DAB1: variants seen among roughly 807,000 people sequenced by gnomAD.
The protein encoded by DAB1 is DAB adaptor protein 1, also known as disabled homolog 1.
DAB1 carries 15 observed loss-of-function variants against 64.6 expected under a neutral mutation model. The observed-to-expected ratio is 0.23, with a 90% CI of 0.16 to 0.36. The LOEUF is 0.36. DAB1 is among the 10% of genes least tolerant of loss of function. The probability of loss-of-function intolerance (pLI) is 1.00; values close to 1 mark genes in which losing one functional copy is unlikely to be tolerated. For missense variants in DAB1, 596 were observed against 706.7 expected (o/e 0.84, Z 1.78); for synonymous variants, 235 against 251.9 (o/e 0.93, Z 0.64).
chr1:57,188,479 G>T lies in DAB1; in HGVS notation c.68-43050C>A, dbSNP rs552291242. 1.5e-4 allele frequency among the ~76,000 whole-genome samples: 23 copies of T among 152,244 alleles called. No individual in the cohort carries two copies. In the South Asian group the frequency reaches 4.2e-3, roughly 27 times the overall value. ...ATGAAAATAAGCAAGACCAGAATTT[G>T]GCTCTCAGCTAATTGCAGAGTGTTT... On this transcript the variant is annotated intron_variant, in intron 2 of 14. Transcript: ENST00000371236.
chr1:58,191,782 G>A (rs1657403123), intron 4 of DAB1, among the ~76,000 whole-genome samples: 1 of 152,200 alleles, frequency 6.6e-6, no homozygotes, highest in Non-Finnish European at 1.5e-5. Context: ...AGTAGAGTCT[G>A]TATCTTTGTG....
chr1:58,424,282 G>A (rs569251775), intron 3 of DAB1, among the ~76,000 whole-genome samples: 12 of 152,168 alleles, frequency 7.9e-5, no homozygotes, highest in African/African-American at 2.7e-4. Flanking sequence ...AGTGGATGAG[G>A]CCCACCCACA....
intron 4 of DAB1, among the ~76,000 whole-genome samples, chr1:58,160,688 T>C (rs1483353120): frequency 6.6e-6 from 1 of 152,180 alleles, no homozygotes; most frequent in African/African-American, 2.4e-5. Context: ...CAAAAAAAAG[T>C]TGTATCACTT....
At chr1:58,481,123 G>C in intron 3 of DAB1, 1 of 870,866 alleles carries the variant, frequency 1.1e-6, no homozygotes, top group Non-Finnish European at 2.0e-6. Context: ...AGTAATCGAG[G>C]GTCTGGATTA....
intron 5 of DAB1, among the ~76,000 whole-genome samples, chr1:57,933,952 G>A (rs1424579284): frequency 1.3e-5 from 2 of 151,578 alleles, no homozygotes; most frequent in Non-Finnish European, 2.9e-5. Flanking sequence ...CTAGAGTGCA[G>A]TGGCGCGATC....
At chr1:57,333,898 ACT>A (rs1218590763) in intron 1 of DAB1, among the ~76,000 whole-genome samples, 1 of 152,194 alleles carries the variant, frequency 6.6e-6, no homozygotes, top group African/African-American at 2.4e-5. Flanking sequence ...AGAATCCATC[ACT>A]GTCATCATCA....
intron 3 of DAB1, among the ~76,000 whole-genome samples, chr1:58,370,050 G>T (rs1258261756): frequency 6.6e-6 from 1 of 152,162 alleles, no homozygotes; most frequent in Non-Finnish European, 1.5e-5. Context: ...ACCCAGTGAT[G>T]CCATATTTAG....
At chr1:58,358,372 C>T (rs12134145) in intron 3 of DAB1, among the ~76,000 whole-genome samples, 4,204 of 152,006 alleles carry the variant, frequency 0.028, 168 homozygotes, top group East Asian at 0.18. Context: ...ATATTTATTG[C>T]GCTTGACAAA....
intron 6 of DAB1, among the ~76,000 whole-genome samples, chr1:57,669,065 G>A (rs1172622957): frequency 7.9e-5 from 12 of 151,998 alleles, no homozygotes; most frequent in East Asian, 7.7e-4. Flanking sequence ...CTTTAATTCC[G>A]TGTTCCTTAC....
intron 3 of DAB1, chr1:58,481,088 A>C (rs761472810): frequency 5.7e-5 from 50 of 872,048 alleles, no homozygotes; most frequent in Admixed American, 4.2e-4. Context: ...ATTCTTCAAG[A>C]AAATGCTTCG....
intron 6 of DAB1, among the ~76,000 whole-genome samples, chr1:57,730,836 T>G (rs1439038164): frequency 1.3e-5 from 2 of 152,116 alleles, no homozygotes; most frequent in African/African-American, 2.4e-5. Flanking sequence ...TAAGTGTTGG[T>G]GAGGATATGG....
chr1:58,239,084 C>T (rs555768305), intron 4 of DAB1, among the ~76,000 whole-genome samples: 1 of 152,110 alleles, frequency 6.6e-6, no homozygotes, highest in African/African-American at 2.4e-5. Context: ...AGGACCCTCC[C>T]GGAATGCTGT....
intron 1 of DAB1, among the ~76,000 whole-genome samples, chr1:57,403,796 C>T (rs926012679): frequency 2.0e-5 from 3 of 152,074 alleles, no homozygotes; most frequent in African/African-American, 7.2e-5. Flanking sequence ...TAGCCATTAC[C>T]TACACGGGGC....
intron 4 of DAB1, among the ~76,000 whole-genome samples, chr1:58,249,020 G>T (rs928015469): frequency 1.3e-5 from 2 of 152,150 alleles, no homozygotes; most frequent in Non-Finnish European, 2.9e-5. Flanking sequence ...CAAAGCCACT[G>T]CAAGGCGATT....
intron 7 of DAB1, among the ~76,000 whole-genome samples, chr1:57,472,484 G>A (rs1218294717): frequency 6.6e-6 from 1 of 152,180 alleles, no homozygotes; most frequent in Non-Finnish European, 1.5e-5. Context: ...AATGGGCCTG[G>A]TAGTTAAAGA....
In DAB1 at chr1:58,370,374, CGTGTGTGTGTGTGTGTGT is replaced by C. The variant is rs67230027; in HGVS notation, n.258-26989_258-26972del. 2.1e-3 allele frequency among the ~76,000 whole-genome samples: 307 copies of C among 144,558 alleles called. 2 individuals are homozygous for C. The highest frequency in any genetic ancestry group is 5.6e-3 in the African/African-American group (222 of 39,492). 94.8% of individuals were successfully genotyped at this position (144,558 alleles called of 152,430 possible). A position where few individuals can be genotyped will look rare whatever the true frequency, so the allele number is the denominator to read the frequency against. On this transcript the variant is annotated intron_variant and non_coding_transcript_variant, in intron 3 of 20. Coordinates refer to the DAB1 transcript ENST00000485760. ...ACTGTATGTTACTTATGAGTGTGTG[CGTGTGTGTGTGTGTGTGT>C]GTGTGTGTGTGTGTGTGTGTGTGTG... is the stretch of plus-strand genomic sequence containing the variant.
At chr1:58,123,490 G>C (rs1272526926) in intron 5 of DAB1, among the ~76,000 whole-genome samples, 1 of 152,154 alleles carries the variant, frequency 6.6e-6, no homozygotes. Flanking sequence ...CAAAAGAAAA[G>C]TATTTTGGGA....
chr1:57,435,972 A>G (rs1685681673), intron 7 of DAB1, among the ~76,000 whole-genome samples: 2 of 135,084 alleles, frequency 1.5e-5, no homozygotes, highest in Non-Finnish European at 3.0e-5. Context: ...GCTGGAGTGC[A>G]GTGGTGTGAT....
chr1:58,364,573 T>G (rs1466241033), intron 3 of DAB1, among the ~76,000 whole-genome samples: 2 of 152,252 alleles, frequency 1.3e-5, no homozygotes, highest in Non-Finnish European at 2.9e-5. Context: ...TACCCTTTTT[T>G]GCATATTTGA....
Sources: gnomAD v4.1 joint callset for allele counts (sites outside exome capture counted in the v4.1 genomes callset) on GRCh38, gnomAD v4.1.1 for gene constraint, MANE v1.5 for transcripts, NCBI Gene and HGNC (gene_info 2026-07-23, HGNC 2026-07-21) for gene names.